The following SLC12A4 variants were observed in gnomAD, a reference collection of about 807,000 sequenced individuals.
SLC12A4 encodes the protein electroneutral potassium-chloride cotransporter 1.
A neutral mutation model predicts 119.2 loss-of-function variants in SLC12A4; 84 were observed. That is an observed-to-expected ratio of 0.70 (90% CI 0.59 to 0.85). The LOEUF (loss-of-function observed/expected upper bound fraction) is 0.85, where lower values mean the gene tolerates loss of function less well. Among genes scored for constraint, SLC12A4 ranks in the 40% least tolerant of loss-of-function variants. SLC12A4 has a pLI of 0.00. For missense variants in SLC12A4, 1,298 were observed against 1,476.3 expected, an observed-to-expected ratio of 0.88 and a Z score of 1.98; for synonymous variants, 599 against 604.6, an observed-to-expected ratio of 0.99 and a Z score of 0.14.
chr16:67,945,609 T>C (rs1023698261), intron 21 of SLC12A4, 56 bp from the exon 22 acceptor site: 8 of 1,559,874 alleles, frequency 5.1e-6, no homozygotes, highest in East Asian at 2.2e-5. Context: ...GGATGGGGCC[T>C]GTCTGGCCCA....
At position 67,944,877 on chromosome 16, in the gene SLC12A4, C is replaced by T. The variant is rs765667638; in HGVS notation, c.3221G>A (p.Arg1074His). 34 of 1,613,326 alleles carry T rather than the reference C, an allele frequency of 2.1e-5. No homozygotes were observed. Among genetic ancestry groups the T allele is most frequent in the Admixed American group, 3.3e-5 (2 of 59,990 alleles). Reference sequence around the variant, plus strand: ...GGTGATGACTTCACGGCCACCACCGCGCACCAACAGCACCCGCTCAAGGCC... The same window carrying T: ...GGTGATGACTTCACGGCCACCACCGTGCACCAACAGCACCCGCTCAAGGCC... ...TEGLERVLLV[R>H]GGGREVITIY... The change falls in exon 24 of 24, where the codon CGC becomes CAC. Residue 1074 changes from arginine to histidine, a missense_variant. Physicochemically the swap from Arg to His is conservative, Grantham distance 29. Coordinates refer to ENST00000316341, the MANE Select transcript of SLC12A4 (RefSeq NM_005072.5). This position sits in a 1 kb window ranked among gnomAD's most constrained non-coding sequence, Gnocchi z 6.6.
chr16:67,950,376 T>C lies in SLC12A4; in HGVS notation c.1572A>G (p.Thr524=), dbSNP rs749930845. The C allele has an allele frequency of 1.2e-5, 19 of 1,613,882 alleles. No homozygotes were observed. In the Admixed American group the frequency reaches 3.2e-4, roughly 27 times the overall value. ...TGGCCTGCAATAGGCGTGGTGCCCC[T>C]GTGAGGCTCTGGAGGCCAGCGCCAC... ...STCGAGLQSL[T]GAPRLLQAIA... Residue 524 remains threonine (T), a synonymous_variant, in exon 12 of 24, where the codon ACA becomes ACG. Transcript: ENST00000316341. This position sits in a 1 kb window ranked among gnomAD's most constrained non-coding sequence, Gnocchi z 4.3.
chr16:67,950,789 A>C lies in SLC12A4; in HGVS notation c.1397-78T>G, dbSNP rs1459560083. The C allele has an allele frequency of 2.6e-6, 4 of 1,541,462 alleles. No homozygotes were observed. Among genetic ancestry groups the C allele is most frequent in the African/African-American group, 1.4e-5 (1 of 72,768 alleles). ...AGTACCACGTGCCCCCACCCCAGCC[A>C]GACTACCAGGACACCTACAGCTGGG... On this transcript the variant is annotated intron_variant, in intron 10 of 23. Transcript: ENST00000316341. This position sits in a 1 kb window ranked among gnomAD's most constrained non-coding sequence, Gnocchi z 4.3.
At position 67,951,727 on chromosome 16, in the gene SLC12A4, C is replaced by T. The variant is rs1295259453; in HGVS notation, c.1132+96G>A. 2 of 1,162,944 alleles carry T rather than the reference C, an allele frequency of 1.7e-6. No homozygotes were observed. The highest frequency in any genetic ancestry group is 2.4e-6 in the Non-Finnish European group (2 of 817,658). The allele number at this position is 1,162,944 out of a possible 1,614,324, so 72.0% of individuals were successfully genotyped here. A position where few individuals can be genotyped will look rare whatever the true frequency, so the allele number is the denominator to read the frequency against. On this transcript the variant is annotated intron_variant, in intron 8 of 23. Coordinates refer to ENST00000316341, the MANE Select transcript of SLC12A4 (RefSeq NM_005072.5). This position sits in a 1 kb window ranked among gnomAD's most constrained non-coding sequence, Gnocchi z 5.2. ...GGCTGGGAAGGCGGCCAGTCCTGCC[C>T]CCGTTCCCAAGCTGGCCACACAAGG...
rs1255942201 is a variant in SLC12A4, at chr16:67,949,782, T to C, written c.1748+18A>G. The stretch of plus-strand genomic sequence containing the variant: ...GAAGCCTTTCCCCATCCCCCTGCCC[T>C]GCCCGGCCCCAGCTCACATGGATAA... On this transcript the variant is annotated intron_variant, in intron 13 of 23. Coordinates refer to ENST00000316341, the MANE Select transcript of SLC12A4 (RefSeq NM_005072.5). This position sits in a 1 kb window ranked among gnomAD's most constrained non-coding sequence, Gnocchi z 4.6. 1 of 1,575,702 alleles carries C rather than the reference T, an allele frequency of 6.3e-7. No homozygotes were observed. Among genetic ancestry groups the C allele is most frequent in the Admixed American group, 1.7e-5 (1 of 58,460 alleles).
At chr16:67,961,455 T>A in intron 3 of SLC12A4, 120 bp downstream of exon 3, 1 of 1,410,656 alleles carries the variant, frequency 7.1e-7, no homozygotes. Context: ...TCCTCCCTGC[T>A]CACTATGCTT....
At position 67,944,595 on chromosome 16, in the gene SLC12A4, G is replaced by T; in HGVS notation, c.*245C>A. On this transcript the variant is annotated 3_prime_UTR_variant, in exon 24 of 24. Transcript: ENST00000316341. This position sits in a 1 kb window ranked among gnomAD's most constrained non-coding sequence, Gnocchi z 6.6. ...GCCCCTACCAGTCTTCTCTGGCCAG[G>T]ACAGGCCTACTGGGGTGCTAGATAG... 1 of 1,369,812 alleles carries T rather than the reference G, an allele frequency of 7.3e-7. No homozygotes were observed. Among genetic ancestry groups the T allele is most frequent in the Non-Finnish European group, 9.4e-7 (1 of 1,063,186 alleles). The allele number at this position is 1,369,812 out of a possible 1,614,324, so 84.9% of individuals were successfully genotyped here.
chr16:67,951,063 C>T lies in SLC12A4; in HGVS notation c.1298-3G>A, dbSNP rs1437107735. 6.2e-7 allele frequency: 1 copy of T among 1,614,004 alleles called. No individual in the cohort carries two copies. Among genetic ancestry groups the T allele is most frequent in the Non-Finnish European group, 8.5e-7 (1 of 1,180,010 alleles). ...GCGGTTTGAGCCAGCCATGATGCCT[C>T]CAAAAACAGATGAGACTCCCTCAGG... On this transcript the variant is annotated splice_region_variant and splice_polypyrimidine_tract_variant and intron_variant, in intron 9 of 23. Transcript: ENST00000316341. The surrounding 1 kb of genome is among the most constrained non-coding windows in gnomAD (Gnocchi z 5.2).
chr16:67,964,078 T>C (rs2030744238), intron 1 of SLC12A4: 1 of 1,536,620 alleles, frequency 6.5e-7, no homozygotes, highest in Admixed American at 2.0e-5. Context: ...GCGGGGGGCG[T>C]CCTGCAGGGC....
At chr16:67,957,692 G>T in intron 5 of SLC12A4, 50 bp downstream of exon 5, 1 of 1,609,030 alleles carries the variant, frequency 6.2e-7, no homozygotes. Context: ...GGTCAAGGCA[G>T]ATACTGGGTC....
At position 67,949,469 on chromosome 16, in the gene SLC12A4, C is replaced by A. The variant is rs1221975419; in HGVS notation, c.1748+331G>T. 9 of 192,104 alleles carry A rather than the reference C, an allele frequency of 4.7e-5. No homozygotes were observed. The highest frequency in any genetic ancestry group is 1.2e-4 in the South Asian group (1 of 8,632). The allele number at this position is 192,104 out of a possible 1,614,324, so 11.9% of individuals were successfully genotyped here. Reference sequence around the variant, plus strand: ...CTGTCTCAAAAAAAAAAAACAAAAACCAAAAAACAAACTAACAGATGGAAG... The same window carrying A: ...CTGTCTCAAAAAAAAAAAACAAAAAACAAAAAACAAACTAACAGATGGAAG... On this transcript the variant is annotated intron_variant, in intron 13 of 23. Transcript: ENST00000316341. This position sits in a 1 kb window ranked among gnomAD's most constrained non-coding sequence, Gnocchi z 4.6.
In SLC12A4 at chr16:67,946,463, G is replaced by A. The variant is rs764922844; in HGVS notation, c.2412C>T (p.Asp804=). ...CAATGAAGGTCTTCCAGGCACGGGG[G>A]TCCTCGCTCTGTCGCCAGCCGTAGG... ...GWPYGWRQSE[D]PRAWKTFIDT... Residue 804 remains aspartate, a synonymous_variant, in exon 18 of 24, where the codon GAC becomes GAT. Transcript: ENST00000316341. 3.1e-6 allele frequency: 5 copies of A among 1,606,444 alleles called. No homozygotes were observed. Among genetic ancestry groups the A allele is most frequent in the Non-Finnish European group, 4.2e-6 (5 of 1,179,922 alleles).
rs879789162 is a variant in SLC12A4 at position 67,949,450 on chromosome 16, C to CA, written c.1748+349dup. ...TGGGTGAGAGAGTGAGACTCTGTCT[C>CA]AAAAAAAAAAAACAAAAACCAAAAA... On this transcript the variant is annotated intron_variant, in intron 13 of 23. Transcript: ENST00000316341. This position sits in a 1 kb window ranked among gnomAD's most constrained non-coding sequence, Gnocchi z 4.6. 7,593 of 146,376 alleles carry CA rather than the reference C, an allele frequency of 0.052. 200 individuals carry two copies. The highest frequency in any genetic ancestry group is 0.12 in the African/African-American group (4,062 of 35,076). The allele number at this position is 146,376 out of a possible 1,614,324, so 9.1% of individuals were successfully genotyped here. A position where few individuals can be genotyped will look rare whatever the true frequency, so the allele number is the denominator to read the frequency against.
Position 67,945,825 on chromosome 16 carries a change from A to G in SLC12A4, c.2786T>C (p.Met929Thr). 1.2e-6 allele frequency: 2 copies of G among 1,613,952 alleles called. No homozygotes were observed. Among genetic ancestry groups the G allele is most frequent in the East Asian group, 2.2e-5 (1 of 44,888 alleles). ...SAYTYERTLM[M>T]EQRSQMLRQM... ...CCGCAGCATCTGCGACCGCTGCTCC[A>G]TCATCAGCGTCCGCTCGTAGGTGTA... is the stretch of plus-strand genomic sequence containing the variant. The change falls in exon 21 of 24, where the codon ATG becomes ACG. Residue 929 changes from methionine to threonine, a missense_variant. Met to Thr is a moderately conservative substitution (Grantham distance 81, BLOSUM62 -1). Transcript: ENST00000316341.
chr16:67,951,493 A>C lies in SLC12A4; in HGVS notation c.1133-189T>G. On this transcript the variant is annotated intron_variant, in intron 8 of 23. Coordinates refer to ENST00000316341, the MANE Select transcript of SLC12A4 (RefSeq NM_005072.5). This position sits in a 1 kb window ranked among gnomAD's most constrained non-coding sequence, Gnocchi z 5.2. ...AGGAGCTGCCCAGCTAGAAGTCGAC[A>C]GACAAAGGTGGCTGAACCACCGTCA... is the stretch of plus-strand genomic sequence containing the variant. The C allele has an allele frequency of 4.4e-6, 3 of 683,832 alleles. No individual in the cohort carries two copies. Among genetic ancestry groups the C allele is most frequent in the Non-Finnish European group, 7.2e-6 (3 of 414,976 alleles). 42.4% of individuals were successfully genotyped at this position (683,832 alleles called of 1,614,324 possible).
Position 67,963,575 on chromosome 16 carries a change from G to C in SLC12A4, c.116-16C>G. 3 of 1,535,596 alleles carry C rather than the reference G, an allele frequency of 2.0e-6. No homozygotes were observed. Among genetic ancestry groups the C allele is most frequent in the Non-Finnish European group, 2.6e-6 (3 of 1,140,190 alleles). ...TTGCCATGTCCTGTGAAGAGAGAGG[G>C]ACAATCAGGGCCTGCTTCCTGAGCC... On this transcript the variant is annotated splice_polypyrimidine_tract_variant and intron_variant, in intron 1 of 23. Coordinates refer to ENST00000316341, the MANE Select transcript of SLC12A4 (RefSeq NM_005072.5).
rs1359775534 is a variant in SLC12A4 at position 67,944,829 on chromosome 16, T to C, written c.*11A>G. 1 of 1,612,614 alleles carries C rather than the reference T, an allele frequency of 6.2e-7. No homozygotes were observed. Among genetic ancestry groups the C allele is most frequent in the South Asian group, 1.1e-5 (1 of 91,072 alleles). On this transcript the variant is annotated 3_prime_UTR_variant, in exon 24 of 24. Transcript: ENST00000316341. The surrounding 1 kb of genome is among the most constrained non-coding windows in gnomAD (Gnocchi z 6.6). ...AAGACCTCGACTCCAGGCCACAAGA[T>C]GACACTGGGCTCAGGAGTAGATGGT...
intron 2 of SLC12A4, chr16:67,962,590 C>A (rs1039224436): frequency 1.1e-4 from 16 of 152,254 alleles, no homozygotes; most frequent in African/African-American, 3.9e-4. Flanking sequence ...AGCAGTAATT[C>A]CAGCACTTTG....
Position 67,951,319 on chromosome 16 carries a change from G to A in SLC12A4, c.1133-15C>T. ...CCACAGGTTTTCTGCAGGGGTAGCTGTGTCACCACCACAGCTGCCCCCCAC... is the reference window on the plus strand; with the variant it reads ...CCACAGGTTTTCTGCAGGGGTAGCTATGTCACCACCACAGCTGCCCCCCAC... On this transcript the variant is annotated splice_polypyrimidine_tract_variant and intron_variant, in intron 8 of 23. Transcript: ENST00000316341. This position sits in a 1 kb window ranked among gnomAD's most constrained non-coding sequence, Gnocchi z 5.2. 6.2e-7 allele frequency: 1 copy of A among 1,607,830 alleles called. No homozygotes were observed. The highest frequency in any genetic ancestry group is 8.5e-7 in the Non-Finnish European group (1 of 1,175,980).
Sources: allele counts gnomAD v4.1 joint callset, GRCh38; gene constraint gnomAD v4.1.1; non-coding constraint Gnocchi (gnomAD v3.1); transcripts MANE v1.5; gene names NCBI Gene and HGNC (gene_info 2026-07-23, HGNC 2026-07-21).